Variants in RFX7 observed in about 807,000 individuals in gnomAD.
The protein encoded by RFX7 is regulatory factor X7.
In RFX7, 26 loss-of-function variants were observed where a neutral mutation model predicts 111.8. The ratio of observed to expected loss-of-function variants is 0.23; its 90% CI spans 0.17 to 0.32. RFX7 has a LOEUF of 0.32. Among genes scored for constraint, RFX7 ranks in the 10% least tolerant of loss-of-function variants. The pLI, the probability that RFX7 is intolerant of heterozygous loss-of-function variation, is 1.00. For missense variants in RFX7, 1,573 were observed against 1,772.9 expected, an observed-to-expected ratio of 0.89 and a Z score of 2.02; for synonymous variants, 624 against 624.4, an observed-to-expected ratio of 1.00 and a Z score of 0.01.
At chr15:56,195,254 G>A (rs754169566) in intron 2 of RFX7, among the ~76,000 whole-genome samples, 1 of 151,990 alleles carries the variant, frequency 6.6e-6, no homozygotes, top group Non-Finnish European at 1.5e-5. Flanking sequence ...TTGGGGTTGC[G>A]GAAATGAAGA....
At chr15:56,201,512 TAG>T (rs1362105197) in intron 2 of RFX7, among the ~76,000 whole-genome samples, 2 of 152,208 alleles carry the variant, frequency 1.3e-5, no homozygotes, top group African/African-American at 4.8e-5. Flanking sequence ...AATGATGCTC[TAG>T]AGAGGAAGAT....
chr15:56,131,545 C>G (rs1487551009), intron 5 of RFX7, among the ~76,000 whole-genome samples: 4 of 152,174 alleles, frequency 2.6e-5, no homozygotes, highest in Non-Finnish European at 5.9e-5. Flanking sequence ...AGGCATGAGA[C>G]ACTGTGCCCG....
chr15:56,239,147 T>C (rs1323236737), intron 2 of RFX7, among the ~76,000 whole-genome samples: 1 of 152,040 alleles, frequency 6.6e-6, no homozygotes, highest in East Asian at 1.9e-4. Flanking sequence ...CTCCAATTTA[T>C]TATTTTGGAT....
chr15:56,189,732 T>TA (rs1418337413), intron 2 of RFX7: 1 of 152,066 alleles, frequency 6.6e-6, no homozygotes, highest in Non-Finnish European at 1.5e-5. Flanking sequence ...AAAACCCAAA[T>TA]ATTGGCAAGG....
chr15:56,167,841 G>T (rs376888896), intron 3 of RFX7, among the ~76,000 whole-genome samples: 35 of 152,176 alleles, frequency 2.3e-4, no homozygotes, highest in African/African-American at 7.7e-4. Context: ...TTTCACTTTA[G>T]TGAGCACACT....
At chr15:56,178,001 T>G (rs915244053) in intron 3 of RFX7, among the ~76,000 whole-genome samples, 3 of 152,072 alleles carry the variant, frequency 2.0e-5, no homozygotes, top group African/African-American at 7.2e-5. Flanking sequence ...TGTTTTGTAT[T>G]CCTTATGAGT....
chr15:56,212,293 AG>A (rs1230446172), intron 2 of RFX7, among the ~76,000 whole-genome samples: 5 of 152,258 alleles, frequency 3.3e-5, no homozygotes, highest in Non-Finnish European at 7.4e-5. Context: ...ATTGACATGC[AG>A]GGAAAAAGCA....
chr15:56,104,723 A>C (rs1274650974), intron 5 of RFX7, among the ~76,000 whole-genome samples: 2 of 152,142 alleles, frequency 1.3e-5, no homozygotes, highest in Non-Finnish European at 2.9e-5. Context: ...CAGAAAGAAT[A>C]AGGGTAGCTC....
chr15:56,157,639 G>A (rs2042669941), intron 3 of RFX7, among the ~76,000 whole-genome samples: 1 of 152,236 alleles, frequency 6.6e-6, no homozygotes, highest in Non-Finnish European at 1.5e-5. Flanking sequence ...GGAGTGCAGT[G>A]GCACAATCTT....
At chr15:56,176,918 T>G (rs555242725) in intron 3 of RFX7, among the ~76,000 whole-genome samples, 10 of 136,108 alleles carry the variant, frequency 7.3e-5, no homozygotes, top group African/African-American at 2.7e-4. Context: ...CAATCCACTG[T>G]TCCAACAACA....
chr15:56,243,551 C>T lies in RFX7; in HGVS notation c.-109G>A. The T allele has an allele frequency of 4.1e-6, 4 of 977,364 alleles. No homozygotes were observed. The highest frequency in any genetic ancestry group is 4.9e-6 in the Non-Finnish European group (4 of 823,582). 60.5% of individuals were successfully genotyped at this position (977,364 alleles called of 1,614,324 possible). A position where few individuals can be genotyped will look rare whatever the true frequency, so the allele number is the denominator to read the frequency against. On this transcript the variant is annotated 5_prime_UTR_variant, in exon 1 of 10. Transcript: ENST00000559447. ...CTTCACCGCGGGAGAGGCATGGCGGCGCCCCTCAGCCCCCCGCTGGCGCCG... is the reference window on the plus strand; with the variant it reads ...CTTCACCGCGGGAGAGGCATGGCGGTGCCCCTCAGCCCCCCGCTGGCGCCG...
In RFX7 at chr15:56,089,672, C is replaced by G. The variant is rs1448621744; in HGVS notation, c.*3673G>C. 1 of 150,268 alleles carries G rather than the reference C, an allele frequency of 6.7e-6. No individual in the cohort carries two copies. The highest frequency in any genetic ancestry group is 2.5e-5 in the African/African-American group (1 of 40,794). 9.3% of individuals were successfully genotyped at this position (150,268 alleles called of 1,614,324 possible). ...ATTTTATAGTATTATCTAGGTAGTT[C>G]ATTACTTTCATTTTCTCTTGAGTGA... On this transcript the variant is annotated 3_prime_UTR_variant, in exon 10 of 10. Transcript: ENST00000559447.
intron 3 of RFX7, among the ~76,000 whole-genome samples, chr15:56,161,215 C>G (rs1184619809): frequency 6.6e-6 from 1 of 152,046 alleles, no homozygotes; most frequent in African/African-American, 2.4e-5. Context: ...GCTTCTCTTC[C>G]TAATCCTGCT....
At chr15:56,110,317 TG>T (rs1213897198) in intron 5 of RFX7, among the ~76,000 whole-genome samples, 8 of 9,054 alleles carry the variant, frequency 8.8e-4, no homozygotes, top group African/African-American at 2.0e-3. Context: ...GGGAGGGAGG[TG>T]GGGGGGGGGT....
At chr15:56,221,506 T>C (rs1422848488) in intron 2 of RFX7, among the ~76,000 whole-genome samples, 1 of 152,200 alleles carries the variant, frequency 6.6e-6, no homozygotes, top group East Asian at 1.9e-4. Flanking sequence ...GCTTGCTCTT[T>C]TATCTAGTCT....
At chr15:56,108,140 G>A (rs139161093) in intron 5 of RFX7, among the ~76,000 whole-genome samples, 19,768 of 152,140 alleles carry the variant, frequency 0.13, 1,671 homozygotes, top group East Asian at 0.44. Context: ...AAGAGGAGCT[G>A]GTACCATTCC....
intron 5 of RFX7, among the ~76,000 whole-genome samples, chr15:56,106,737 C>T (rs1207164920): frequency 6.6e-6 from 1 of 152,120 alleles, no homozygotes; most frequent in Non-Finnish European, 1.5e-5. Flanking sequence ...TCTAGATATT[C>T]AATGATTCTT....
chr15:56,159,811 C>G (rs2042699870), intron 3 of RFX7, among the ~76,000 whole-genome samples: 1 of 151,992 alleles, frequency 6.6e-6, no homozygotes, highest in East Asian at 1.9e-4. Flanking sequence ...GTCTTATTAC[C>G]AGAACTTAAA....
intron 5 of RFX7, among the ~76,000 whole-genome samples, chr15:56,124,877 G>A (rs1437977282): frequency 6.6e-6 from 1 of 152,098 alleles, no homozygotes; most frequent in Non-Finnish European, 1.5e-5. Context: ...AATGCCATTG[G>A]TTTACTTTTG....
Sources: gnomAD v4.1 joint callset for allele counts (sites outside exome capture counted in the v4.1 genomes callset) on GRCh38, gnomAD v4.1.1 for gene constraint, MANE v1.5 for transcripts, NCBI Gene and HGNC (gene_info 2026-07-23, HGNC 2026-07-21) for gene names.